Variants in FRAS1 observed in about 807,000 individuals in gnomAD.
FRAS1 encodes the protein Fraser extracellular matrix complex subunit 1.
A neutral mutation model predicts 435.2 loss-of-function variants in FRAS1; 290 were observed. The observed-to-expected ratio is 0.67, with a 90% CI of 0.61 to 0.73. The LOEUF is 0.73. FRAS1 is among the 30% of genes least tolerant of loss of function. The probability of loss-of-function intolerance (pLI) is 0.00; values close to 1 mark genes in which losing one functional copy is unlikely to be tolerated. For missense variants in FRAS1, 4,860 were observed against 5,001.5 expected, an observed-to-expected ratio of 0.97 and a Z score of 0.85; for synonymous variants, 1,800 against 1,851.0, an observed-to-expected ratio of 0.97 and a Z score of 0.71.
chr4:78,450,045 TC>T, intron 44 of FRAS1, 105 bp from the exon 45 acceptor site: 1 of 762,224 alleles, frequency 1.3e-6, no homozygotes, highest in East Asian at 2.6e-5. Context: ...GGTACCTAGA[TC>T]CAATGAATAT....
At chr4:78,534,272 A>G (rs114384109) in intron 70 of FRAS1, among the ~76,000 whole-genome samples, 177 bp from the exon 71 acceptor site, 2,167 of 152,326 alleles carry the variant, frequency 0.014, 44 homozygotes, top group African/African-American at 0.05. Context: ...TTCAAAAGAA[A>G]TAACTACCAA....
chr4:78,464,369 G>A (rs1173843488), intron 48 of FRAS1, 74 bp from the exon 49 acceptor site: 2 of 1,573,610 alleles, frequency 1.3e-6, no homozygotes, highest in Admixed American at 3.5e-5. Context: ...GAGAAAAGTA[G>A]AGAGCACCTA....
chr4:78,483,648 G>A (rs77622308), intron 58 of FRAS1, among the ~76,000 whole-genome samples: 1,785 of 151,252 alleles, frequency 0.012, 26 homozygotes, highest in African/African-American at 0.041. Flanking sequence ...GGCAAAAAGC[G>A]TATACTATGA....
chr4:78,249,068 T>TATATATATATATGC lies in FRAS1; in HGVS notation c.310-3312_310-3311insGCATATATATATAT, dbSNP rs1553934042. Among the ~76,000 whole-genome samples the TATATATATATATGC allele has an allele frequency of 2.4e-4, 26 of 106,632 alleles. 1 individual carries two copies. The highest frequency in any genetic ancestry group is 6.6e-4 in the African/African-American group (21 of 31,776). 70.0% of individuals were successfully genotyped at this position (106,632 alleles called of 152,430 possible). ...CTACTGATATATATATATATGCATA[T>TATATATATATATGC]ATATATATATATATATATGCATGTG... On this transcript the variant is annotated intron_variant, in intron 4 of 73. Coordinates refer to ENST00000512123, the MANE Select transcript of FRAS1 (RefSeq NM_025074.7).
chr4:78,155,337 G>T (rs1205753369), intron 2 of FRAS1, among the ~76,000 whole-genome samples: 1 of 152,146 alleles, frequency 6.6e-6, no homozygotes, highest in Non-Finnish European at 1.5e-5. Context: ...TAAGAAAAAA[G>T]ATTGTTATTA....
At chr4:78,382,501 C>T (rs919104209) in intron 27 of FRAS1, among the ~76,000 whole-genome samples, 40 of 152,062 alleles carry the variant, frequency 2.6e-4, no homozygotes, top group African/African-American at 8.5e-4. Flanking sequence ...TTTGTCTTCC[C>T]TTCTCTTCTG....
chr4:78,125,196 T>A lies in FRAS1; in HGVS notation c.108+59180T>A, dbSNP rs138109558. On this transcript the variant is annotated intron_variant, in intron 2 of 73. Transcript: ENST00000512123. ...TGATTTTGGTACGTTGTGTCTTTGT[T>A]CTCATTGGTTTCAAAGAACATCTTT... Among the ~76,000 whole-genome samples, 205 of 152,346 alleles carry A rather than the reference T, an allele frequency of 1.3e-3. 2 individuals carry two copies. Among genetic ancestry groups the A allele is most frequent in the African/African-American group, 4.7e-3 (197 of 41,586 alleles).
At chr4:78,464,858 T>C (rs1719479667) in intron 49 of FRAS1, among the ~76,000 whole-genome samples, 1 of 152,268 alleles carries the variant, frequency 6.6e-6, no homozygotes, top group Admixed American at 6.5e-5. Context: ...ATGCTGATTT[T>C]GTATTGATTT....
rs1216320181 is a variant in FRAS1 at position 78,477,226 on chromosome 4, G to C, written c.7852-589G>C. Among the ~76,000 whole-genome samples the C allele has an allele frequency of 2.6e-5, 4 of 152,264 alleles. No individual in the cohort carries two copies. In the East Asian group the frequency reaches 7.7e-4, roughly 29 times the overall value. On this transcript the variant is annotated intron_variant, in intron 54 of 73. Transcript: ENST00000512123. ...TTCTATGTCAATTTTAATTGTGTAA[G>C]TAATATGGTGATACTAATGATAATA...
In FRAS1 at chr4:78,413,042, C is replaced by T; in HGVS notation, c.4382C>T (p.Pro1461Leu). Residue 1461 changes from proline to leucine, a missense_variant, in exon 32 of 74, where the codon CCT becomes CTT. Physicochemically the swap from Pro to Leu is moderately conservative, Grantham distance 98. Transcript: ENST00000512123. ...MFNIAILPQT[P>L]EAPKVSLEAS... The stretch of plus-strand genomic sequence containing the variant: ...AACATCGCGATCTTACCACAGACAC[C>T]TGAAGCACCTAAAGTGTCTCTGGAA... 1.2e-6 allele frequency: 2 copies of T among 1,611,768 alleles called. No homozygotes were observed. Among genetic ancestry groups the T allele is most frequent in the South Asian group, 2.2e-5 (2 of 90,480 alleles).
intron 9 of FRAS1, among the ~76,000 whole-genome samples, chr4:78,278,127 G>T (rs1047561864): frequency 6.6e-6 from 1 of 152,194 alleles, no homozygotes; most frequent in Non-Finnish European, 1.5e-5. Context: ...GAATAGTTTT[G>T]ATATGAGTTG....
intron 2 of FRAS1, among the ~76,000 whole-genome samples, chr4:78,194,423 T>C (rs944329248): frequency 6.6e-6 from 1 of 152,206 alleles, no homozygotes; most frequent in East Asian, 1.9e-4. Flanking sequence ...CAGATGTAGA[T>C]TTGGTCTTTT....
chr4:78,490,210 G>A (rs182048494), intron 59 of FRAS1, among the ~76,000 whole-genome samples: 215 of 147,846 alleles, frequency 1.5e-3, no homozygotes, highest in Non-Finnish European at 2.6e-3. Context: ...AATAGTGGGA[G>A]ACTTTAACAC....
At chr4:78,522,088 T>G (rs1447902217) in intron 68 of FRAS1, among the ~76,000 whole-genome samples, 1 of 152,244 alleles carries the variant, frequency 6.6e-6, no homozygotes, top group Admixed American at 6.5e-5. Flanking sequence ...TTAGTTTCTT[T>G]TAATCTAAAA....
Position 78,446,826 on chromosome 4 carries a change from C to T in FRAS1, c.5956C>T (p.Leu1986=). The change falls in exon 43 of 74, where the codon CTG becomes TTG. Residue 1986 remains leucine, a synonymous_variant. Transcript: ENST00000512123. ...ISNSSLSLQD[L]DTPDNELIFV... ...CAATTCTTCTTTGAGCCTGCAAGAC[C>T]TGGACACCCCAGATAATGAGCTCAT... is the stretch of plus-strand genomic sequence containing the variant. The T allele has an allele frequency of 1.9e-6, 3 of 1,612,598 alleles. No homozygotes were observed. Among genetic ancestry groups the T allele is most frequent in the East Asian group, 2.2e-5 (1 of 44,832 alleles).
intron 2 of FRAS1, among the ~76,000 whole-genome samples, chr4:78,170,907 A>G (rs1421146122): frequency 6.6e-6 from 1 of 151,848 alleles, no homozygotes; most frequent in Non-Finnish European, 1.5e-5. Flanking sequence ...CTCCTCTCTC[A>G]TGAGGAGCTG....
intron 1 of FRAS1, among the ~76,000 whole-genome samples, chr4:78,065,081 T>TATATATATATATATATACACAC (rs762909923): frequency 4.0e-5 from 5 of 125,694 alleles, no homozygotes; most frequent in East Asian, 4.6e-4. Context: ...TATATATATA[T>TATATATATATATATATACACAC]ATACATACAC....
intron 2 of FRAS1, among the ~76,000 whole-genome samples, chr4:78,207,914 C>T (rs960835770): frequency 6.6e-6 from 1 of 152,164 alleles, no homozygotes; most frequent in African/African-American, 2.4e-5. Flanking sequence ...TAGATTGCAG[C>T]TCCCACTTGG....
intron 61 of FRAS1, among the ~76,000 whole-genome samples, chr4:78,504,327 G>A (rs1370854499): frequency 2.6e-5 from 4 of 152,178 alleles, no homozygotes; most frequent in Non-Finnish European, 5.9e-5. Flanking sequence ...GAGTGTTAAA[G>A]TCTCCCATTA....
Sources: allele counts gnomAD v4.1 joint callset (sites outside exome capture counted in the v4.1 genomes callset), GRCh38; gene constraint gnomAD v4.1.1; transcripts MANE v1.5; gene names NCBI Gene and HGNC (gene_info 2026-07-23, HGNC 2026-07-21).